The following MATN2 variants were observed in gnomAD, a reference collection of about 807,000 sequenced individuals.
The protein encoded by MATN2 is matrilin-2.
Under a neutral mutation model 103.2 loss-of-function variants are expected in MATN2, and 69 were observed. The ratio of observed to expected loss-of-function variants is 0.67; its 90% CI spans 0.55 to 0.82. MATN2 has a LOEUF of 0.82. Ranked by LOEUF, MATN2 falls within the 40% of genes least tolerant of loss-of-function variation. MATN2 has a pLI of 0.00. For synonymous variants in MATN2, 429 were observed against 450.2 expected (o/e 0.95, Z 0.60); for missense variants, 1,023 against 1,211.5 (o/e 0.84, Z 2.31).
chr8:98,020,990 C>T (rs1332946862), intron 12 of MATN2: 2 of 441,456 alleles, frequency 4.5e-6, no homozygotes, highest in Non-Finnish European at 8.3e-6. Flanking sequence ...CCTAATCACC[C>T]ATCGTACCAT....
At chr8:97,889,489 A>ATAT (rs1408329205) in intron 2 of MATN2, among the ~76,000 whole-genome samples, 3 of 143,766 alleles carry the variant, frequency 2.1e-5, no homozygotes, top group Non-Finnish European at 4.5e-5. Context: ...ATATATATAT[A>ATAT]AAACTGATGA....
intron 2 of MATN2, among the ~76,000 whole-genome samples, chr8:97,920,335 G>A (rs1809772153): frequency 1.3e-5 from 2 of 152,172 alleles, no homozygotes; most frequent in African/African-American, 2.4e-5. Flanking sequence ...AGCCTCCTGA[G>A]TAGCTGGGAT....
At chr8:97,930,720 T>G (rs1810151857) in intron 2 of MATN2, among the ~76,000 whole-genome samples, 1 of 152,186 alleles carries the variant, frequency 6.6e-6, no homozygotes, top group African/African-American at 2.4e-5. Flanking sequence ...CTTGCTGGAT[T>G]CAAGTGATTC....
At chr8:97,989,620 CT>C (rs1262334513) in intron 6 of MATN2, among the ~76,000 whole-genome samples, 1 of 152,114 alleles carries the variant, frequency 6.6e-6, no homozygotes, top group East Asian at 1.9e-4. Context: ...CACACCACTG[CT>C]ATTTAATATT....
intron 4 of MATN2, among the ~76,000 whole-genome samples, chr8:97,960,146 G>A (rs756596419): frequency 3.3e-5 from 5 of 152,094 alleles, no homozygotes; most frequent in Non-Finnish European, 7.4e-5. Context: ...TAGTAGAGAC[G>A]GGGTTTCACC....
intron 18 of MATN2, chr8:98,034,093 G>C (rs1243029538): frequency 4.5e-6 from 2 of 439,686 alleles, no homozygotes; most frequent in Non-Finnish European, 9.1e-6. Context: ...TAGCCCCAAG[G>C]AACACCACAG....
intron 4 of MATN2, among the ~76,000 whole-genome samples, chr8:97,946,379 G>A (rs970539122): frequency 1.3e-5 from 2 of 152,066 alleles, no homozygotes; most frequent in African/African-American, 4.8e-5. Flanking sequence ...TCAACATTGT[G>A]GATTCCTTCT....
At chr8:97,892,415 C>CA (rs35181049) in intron 2 of MATN2, among the ~76,000 whole-genome samples, 44,795 of 78,440 alleles carry the variant, frequency 0.57, 12,567 homozygotes, top group Non-Finnish European at 0.59. Flanking sequence ...GACCCTGTCT[C>CA]AAAAAAAAAA....
At chr8:97,890,230 G>A (rs1185876048) in intron 2 of MATN2, among the ~76,000 whole-genome samples, 2 of 152,178 alleles carry the variant, frequency 1.3e-5, no homozygotes, top group African/African-American at 4.8e-5. Flanking sequence ...ACTTTGGGAG[G>A]CCGAGGTGGG....
chr8:97,938,143 G>A (rs1366548657), intron 3 of MATN2, among the ~76,000 whole-genome samples: 1 of 152,146 alleles, frequency 6.6e-6, no homozygotes, highest in Non-Finnish European at 1.5e-5. Context: ...GGTGACTGCC[G>A]TGTAGTTGGT....
At chr8:97,871,928 C>G (rs1389744329) in intron 1 of MATN2, among the ~76,000 whole-genome samples, 1 of 152,230 alleles carries the variant, frequency 6.6e-6, no homozygotes, top group Non-Finnish European at 1.5e-5. Flanking sequence ...ACCTGGGTTG[C>G]AGTTCTAGCC....
At chr8:98,022,453 A>G (rs1057125080) in intron 13 of MATN2, among the ~76,000 whole-genome samples, 3 of 152,186 alleles carry the variant, frequency 2.0e-5, no homozygotes, top group African/African-American at 7.2e-5. Flanking sequence ...AAATAAGATA[A>G]ACACGATTTA....
chr8:98,027,334 C>T (rs1027727629), intron 13 of MATN2, 82 bp from the exon 14 acceptor site: 30 of 1,278,886 alleles, frequency 2.3e-5, no homozygotes, highest in Admixed American at 1.5e-4. Flanking sequence ...GTTATGCCTC[C>T]AATTGAAGCA....
chr8:98,034,284 T>G, intron 18 of MATN2: 1 of 421,970 alleles, frequency 2.4e-6, no homozygotes, highest in South Asian at 1.7e-5. Flanking sequence ...TTGGGGATAA[T>G]AAAGAAAAGA....
intron 13 of MATN2, 46 bp downstream of exon 13, chr8:98,021,373 C>T: frequency 6.3e-7 from 1 of 1,596,944 alleles, no homozygotes; most frequent in Non-Finnish European, 8.5e-7. Flanking sequence ...TGTTTTGGAG[C>T]AACTGCTTTT....
chr8:97,884,685 T>C (rs970813560), intron 1 of MATN2, among the ~76,000 whole-genome samples: 5 of 151,988 alleles, frequency 3.3e-5, no homozygotes, highest in African/African-American at 1.2e-4. Flanking sequence ...GCATGAGAAT[T>C]GCTTGAACCC....
chr8:97,961,914 C>T (rs1365612300), intron 5 of MATN2, among the ~76,000 whole-genome samples: 1 of 152,166 alleles, frequency 6.6e-6, no homozygotes, highest in Non-Finnish European at 1.5e-5. Flanking sequence ...CTGAGTGACA[C>T]CTCAAAGACA....
chr8:97,968,677 A>G (rs1811560459), intron 5 of MATN2, among the ~76,000 whole-genome samples: 1 of 152,210 alleles, frequency 6.6e-6, no homozygotes, highest in South Asian at 2.1e-4. Context: ...CTTCATTTCT[A>G]TCTGAGATCT....
rs186441291 is a variant in MATN2 at position 97,944,619 on chromosome 8, G to A, written c.835+2720G>A. Among the ~76,000 whole-genome samples, 10 of 152,218 alleles carry A rather than the reference G, an allele frequency of 6.6e-5. No homozygotes were observed. In the East Asian group the frequency reaches 7.7e-4, roughly 12 times the overall value. ...AAACTTCTTGACTCTCAGTTTCCTCGCCCATAAGATGGGACGGGTGGTAAC... is the reference window on the plus strand; with the variant it reads ...AAACTTCTTGACTCTCAGTTTCCTCACCCATAAGATGGGACGGGTGGTAAC... On this transcript the variant is annotated intron_variant, in intron 4 of 18. Transcript: ENST00000254898.
Sources: allele counts gnomAD v4.1 joint callset (sites outside exome capture counted in the v4.1 genomes callset), GRCh38; gene constraint gnomAD v4.1.1; transcripts MANE v1.5; gene names NCBI Gene and HGNC (gene_info 2026-07-23, HGNC 2026-07-21).